Variants in FADS1 observed in about 807,000 individuals in gnomAD.
FADS1 encodes acyl-CoA (8-3)-desaturase.
In FADS1, 17 loss-of-function variants were observed where a neutral mutation model predicts 61.6. The observed-to-expected ratio is 0.28, with a 90% CI of 0.19 to 0.41. FADS1 has a LOEUF of 0.41. Among genes scored for constraint, FADS1 ranks in the 10% least tolerant of loss-of-function variants. The pLI, the probability that FADS1 is intolerant of heterozygous loss-of-function variation, is 1.00. For missense variants in FADS1, 387 were observed against 650.9 expected (o/e 0.59, Z 4.41); for synonymous variants, 238 against 258.7 (o/e 0.92, Z 0.77).
intron 5 of FADS1, among the ~76,000 whole-genome samples, chr11:61,809,444 C>T (rs772712064): frequency 4.6e-5 from 7 of 152,308 alleles, no homozygotes; most frequent in Admixed American, 2.0e-4. Flanking sequence ...TGGGCTCAAG[C>T]GATGCTCCCA....
chr11:61,803,185 C>A lies in FADS1; in HGVS notation c.1249-74G>T. ...CCAGCCCAGCATTCTCCAGGTAAAGCTGGCTGAGGAAGGGACATGAGACTG... is the reference window on the plus strand; with the variant it reads ...CCAGCCCAGCATTCTCCAGGTAAAGATGGCTGAGGAAGGGACATGAGACTG... On this transcript the variant is annotated intron_variant, in intron 9 of 11. Coordinates refer to ENST00000350997, the MANE Select transcript of FADS1 (RefSeq NM_013402.7). The surrounding 1 kb of genome is among the most constrained non-coding windows in gnomAD (Gnocchi z 4.3). The A allele has an allele frequency of 6.8e-7, 1 of 1,473,838 alleles. No homozygotes were observed. The highest frequency in any genetic ancestry group is 9.5e-7 in the Non-Finnish European group (1 of 1,056,034). 91.3% of individuals were successfully genotyped at this position (1,473,838 alleles called of 1,614,324 possible).
Position 61,802,720 on chromosome 11 carries a change from T to TCCCCACCCTA in FADS1, c.1454+71_1454+80dup, listed in dbSNP as rs2066864975. ...ACGACTGGGAACACCTTCTGTTCAC[T>TCCCCACCCTA]CCCCACCCTACATGTCATCATTTCC... On this transcript the variant is annotated intron_variant, in intron 11 of 11. Coordinates refer to ENST00000350997, the MANE Select transcript of FADS1 (RefSeq NM_013402.7). This position sits in a 1 kb window ranked among gnomAD's most constrained non-coding sequence, Gnocchi z 4.2. 1 of 1,586,694 alleles carries TCCCCACCCTA rather than the reference T, an allele frequency of 6.3e-7. No individual in the cohort carries two copies. Among genetic ancestry groups the TCCCCACCCTA allele is most frequent in the East Asian group, 2.2e-5 (1 of 44,752 alleles).
chr11:61,806,623 C>T lies in FADS1; in HGVS notation c.976+41G>A, dbSNP rs750602174. On this transcript the variant is annotated intron_variant, in intron 6 of 11. Transcript: ENST00000350997. ...CATCCTCCTCATTCCCTCAGCATTC[C>T]CTCCTGAGGCAGCTCCCCTGTGTTG... 2.1e-5 allele frequency: 32 copies of T among 1,545,848 alleles called. 1 individual carries two copies. The highest frequency in any genetic ancestry group is 2.7e-5 in the Non-Finnish European group (30 of 1,117,884).
chr11:61,813,427 C>G (rs1440167695), intron 1 of FADS1, 74 bp from the exon 2 acceptor site: 1 of 830,272 alleles, frequency 1.2e-6, no homozygotes, highest in Non-Finnish European at 2.0e-6. Context: ...CACCAAAGGC[C>G]ATCCTCCTGC....
intron 3 of FADS1, chr11:61,811,830 T>C (rs1417055384): frequency 2.3e-6 from 1 of 444,404 alleles, no homozygotes; most frequent in Admixed American, 2.4e-5. Flanking sequence ...TCAAATGATC[T>C]GCCCATCTTG....
intron 5 of FADS1, among the ~76,000 whole-genome samples, chr11:61,809,197 A>G (rs1437308897): frequency 2.0e-5 from 3 of 152,034 alleles, no homozygotes; most frequent in Non-Finnish European, 4.4e-5. Flanking sequence ...GGCCCTTTTC[A>G]TCATTCAGGT....
chr11:61,813,537 G>A (rs2066946807), intron 1 of FADS1, 184 bp from the exon 2 acceptor site: 7 of 581,456 alleles, frequency 1.2e-5, no homozygotes, highest in Non-Finnish European at 2.1e-5. Context: ...CTAGAGGTTT[G>A]TAAAATGCAC....
Position 61,803,616 on chromosome 11 carries a change from G to A in FADS1, c.1151+54C>T, listed in dbSNP as rs2066872887. The A allele has an allele frequency of 6.7e-7, 1 of 1,490,094 alleles. No individual in the cohort carries two copies. 92.3% of individuals were successfully genotyped at this position (1,490,094 alleles called of 1,614,324 possible). On this transcript the variant is annotated intron_variant, in intron 8 of 11. Coordinates refer to ENST00000350997, the MANE Select transcript of FADS1 (RefSeq NM_013402.7). This position sits in a 1 kb window ranked among gnomAD's most constrained non-coding sequence, Gnocchi z 4.3. ...CCAGCACGGCCCCTAGACCAGACTG[G>A]TCACTCCCCAACATTTCCTTCACCA...
Position 61,816,910 on chromosome 11 carries a change from C to A in FADS1, c.20G>T (p.Arg7Met). 7.1e-7 allele frequency: 1 copy of A among 1,407,252 alleles called. No homozygotes were observed. The highest frequency in any genetic ancestry group is 9.2e-7 in the Non-Finnish European group (1 of 1,092,354). The allele number at this position is 1,407,252 out of a possible 1,614,324, so 87.2% of individuals were successfully genotyped here. Residue 7 changes from arginine (R) to methionine (M), a missense_variant, in exon 1 of 12, where the codon AGG becomes ATG. Around this residue, in one of 2 missense-constraint regions of FADS1, gnomAD observed 130 missense variants for 117.7 expected, o/e 1.10. Coordinates refer to ENST00000350997, the MANE Select transcript of FADS1 (RefSeq NM_013402.7). This position sits in a 1 kb window ranked among gnomAD's most constrained non-coding sequence, Gnocchi z 7.0. The stretch of plus-strand genomic sequence containing the variant: ...AGCACCGCAGGGCAGACCGGCGGGC[C>A]TCGCAGCGCGCGTTCCCATTGGCCG... MGTRAA[R>M]PAGLPCGAEN... is the part of the protein sequence containing the mutation.
intron 2 of FADS1, 78 bp from the exon 3 acceptor site, chr11:61,812,746 C>G: frequency 7.6e-7 from 1 of 1,312,298 alleles, no homozygotes; most frequent in Non-Finnish European, 1.1e-6. Flanking sequence ...CTCTCAGGCT[C>G]AAGGACCTCC....
chr11:61,810,024 G>A (rs1230442751), intron 5 of FADS1, among the ~76,000 whole-genome samples: 1 of 152,172 alleles, frequency 6.6e-6, no homozygotes, highest in Non-Finnish European at 1.5e-5. Context: ...GGTGGACCTG[G>A]AAGAACTCTG....
chr11:61,808,259 T>G (rs1407855352), intron 5 of FADS1, among the ~76,000 whole-genome samples: 1 of 151,302 alleles, frequency 6.6e-6, no homozygotes, highest in East Asian at 1.9e-4. Context: ...TCTCTTGAAC[T>G]CGGGAGGCGG....
chr11:61,810,639 G>A (rs1215839633), intron 5 of FADS1, 112 bp downstream of exon 5: 21 of 1,396,138 alleles, frequency 1.5e-5, no homozygotes, highest in East Asian at 2.3e-5. Context: ...GCCCCAGCCA[G>A]CCCAGCCCCA....
Position 61,803,238 on chromosome 11 carries a change from A to C in FADS1, c.1248+125T>G, listed in dbSNP as rs772111830. The stretch of plus-strand genomic sequence containing the variant: ...TTGGTCACTCCCTTCACATGGTTGC[A>C]GAACAAGAGCCTCAGGCTAATGAGA... On this transcript the variant is annotated intron_variant, in intron 9 of 11. Coordinates refer to ENST00000350997, the MANE Select transcript of FADS1 (RefSeq NM_013402.7). The surrounding 1 kb of genome is among the most constrained non-coding windows in gnomAD (Gnocchi z 4.3). 8 of 1,241,732 alleles carry C rather than the reference A, an allele frequency of 6.4e-6. No homozygotes were observed. The highest frequency in any genetic ancestry group is 9.5e-6 in the Non-Finnish European group (8 of 845,080). The allele number at this position is 1,241,732 out of a possible 1,614,324, so 76.9% of individuals were successfully genotyped here.
intron 5 of FADS1, among the ~76,000 whole-genome samples, chr11:61,809,766 A>G (rs1394103343): frequency 1.3e-5 from 2 of 152,184 alleles, no homozygotes; most frequent in Non-Finnish European, 1.5e-5. Flanking sequence ...CCATAATGGT[A>G]TCGGACATGT....
At chr11:61,810,125 A>G (rs1481971200) in intron 5 of FADS1, among the ~76,000 whole-genome samples, 1 of 151,270 alleles carries the variant, frequency 6.6e-6, no homozygotes, top group African/African-American at 2.4e-5. Flanking sequence ...AATGCTCACT[A>G]AAAGCTCACC....
Position 61,815,587 on chromosome 11 carries a change from A to G in FADS1, c.375+968T>C, listed in dbSNP as rs2066974197. On this transcript the variant is annotated intron_variant, in intron 1 of 11. Transcript: ENST00000350997. This position sits in a 1 kb window ranked among gnomAD's most constrained non-coding sequence, Gnocchi z 6.4. Reference sequence around the variant, plus strand: ...GACGCCATTCTGGCCGCCAAGGGGGAAACGCGGTGAAGGGAACGCCCCGAC... The same window carrying G: ...GACGCCATTCTGGCCGCCAAGGGGGGAACGCGGTGAAGGGAACGCCCCGAC... 1 of 152,616 alleles carries G rather than the reference A, an allele frequency of 6.6e-6. No individual in the cohort carries two copies. Among genetic ancestry groups the G allele is most frequent in the Non-Finnish European group, 1.5e-5 (1 of 68,404 alleles). The allele number at this position is 152,616 out of a possible 1,614,324, so 9.5% of individuals were successfully genotyped here. A position where few individuals can be genotyped will look rare whatever the true frequency, so the allele number is the denominator to read the frequency against.
At chr11:61,804,903 C>T in intron 6 of FADS1, 142 bp from the exon 7 acceptor site, 2 of 685,710 alleles carry the variant, frequency 2.9e-6, no homozygotes, top group Non-Finnish European at 2.6e-6. Flanking sequence ...TGCTTGAGTG[C>T]TCTGCAATCC....
chr11:61,816,128 G>C lies in FADS1; in HGVS notation c.375+427C>G, dbSNP rs1001969539. 2.5e-6 allele frequency: 2 copies of C among 791,820 alleles called. No individual in the cohort carries two copies. The highest frequency in any genetic ancestry group is 2.7e-5 in the East Asian group (1 of 37,164). 49.0% of individuals were successfully genotyped at this position (791,820 alleles called of 1,614,324 possible). On this transcript the variant is annotated intron_variant, in intron 1 of 11. Coordinates refer to ENST00000350997, the MANE Select transcript of FADS1 (RefSeq NM_013402.7). This position sits in a 1 kb window ranked among gnomAD's most constrained non-coding sequence, Gnocchi z 7.0. ...ACCTAGGTCCAGACGCGGCTGCGCTGCCTCTCCTAGCCATCGAGACAGGAT... is the reference window on the plus strand; with the variant it reads ...ACCTAGGTCCAGACGCGGCTGCGCTCCCTCTCCTAGCCATCGAGACAGGAT...
Sources: gnomAD v4.1 joint callset for allele counts (sites outside exome capture counted in the v4.1 genomes callset) on GRCh38, gnomAD v4.1.1 for gene constraint, gnomAD v4.1.1 regional missense constraint, Gnocchi (gnomAD v3.1) non-coding constraint, MANE v1.5 for transcripts, NCBI Gene and HGNC (gene_info 2026-07-23, HGNC 2026-07-21) for gene names.